ZFHX3: variants seen among roughly 807,000 people sequenced by gnomAD.
ZFHX3 encodes zinc finger homeobox protein 3.
A neutral mutation model predicts 279.1 loss-of-function variants in ZFHX3; 42 were observed. The ratio of observed to expected loss-of-function variants is 0.15; its 90% confidence interval spans 0.12 to 0.19. The LOEUF (loss-of-function observed/expected upper bound fraction) is 0.19, where lower values mean the gene tolerates loss of function less well. Ranked by LOEUF, ZFHX3 falls within the 10% of genes least tolerant of loss-of-function variation. The probability of loss-of-function intolerance (pLI) is 1.00; values close to 1 mark genes in which losing one functional copy is unlikely to be tolerated. For missense variants in ZFHX3, 4,981 were observed against 4,754.0 expected (o/e 1.05, Z -1.40); for synonymous variants, 2,293 against 1,957.8 (o/e 1.17, Z -4.52).
At chr16:73,218,197 G>T (rs2012281686) in intron 5 of ZFHX3, among the ~76,000 whole-genome samples, 1 of 152,094 alleles carries the variant, frequency 6.6e-6, no homozygotes. Flanking sequence ...CAGCACATCA[G>T]AAAAATTGTG....
intron 5 of ZFHX3, among the ~76,000 whole-genome samples, chr16:73,189,705 T>C (rs1289307585): frequency 1.3e-5 from 2 of 152,176 alleles, no homozygotes; most frequent in African/African-American, 2.4e-5. Flanking sequence ...AGGGAGCAAA[T>C]GGGGAAGGAG....
chr16:73,587,462 T>C (rs1224979459), intron 2 of ZFHX3, among the ~76,000 whole-genome samples: 2 of 152,218 alleles, frequency 1.3e-5, no homozygotes, highest in Non-Finnish European at 2.9e-5. Flanking sequence ...AAAATGCTTT[T>C]AGTTGACTGC....
chr16:73,622,021 A>T (rs867600067), intron 2 of ZFHX3, among the ~76,000 whole-genome samples: 2 of 152,084 alleles, frequency 1.3e-5, no homozygotes, highest in Non-Finnish European at 2.9e-5. Flanking sequence ...ATTATTTTTC[A>T]TTTTCCCCTT....
intron 2 of ZFHX3, among the ~76,000 whole-genome samples, chr16:73,644,574 T>C (rs1276912437): frequency 1.3e-5 from 2 of 151,936 alleles, no homozygotes; most frequent in Admixed American, 6.6e-5. Context: ...GGTAGGAAAA[T>C]TGCTTGAACC....
chr16:73,068,869 T>G (rs1239322571), intron 8 of ZFHX3, among the ~76,000 whole-genome samples: 2 of 152,142 alleles, frequency 1.3e-5, no homozygotes, highest in Non-Finnish European at 2.9e-5. Context: ...GCTCCACAGC[T>G]CCCTTGAAAC....
intron 3 of ZFHX3, among the ~76,000 whole-genome samples, chr16:73,439,038 T>A (rs2018042175): frequency 6.6e-6 from 1 of 152,208 alleles, no homozygotes; most frequent in Non-Finnish European, 1.5e-5. Flanking sequence ...CACATCTGTC[T>A]CAGACCATCA....
intron 4 of ZFHX3, among the ~76,000 whole-genome samples, chr16:72,883,564 C>T (rs894368281): frequency 1.3e-5 from 2 of 152,170 alleles, no homozygotes; most frequent in African/African-American, 4.8e-5. Context: ...AAAAAGGAAT[C>T]AACCTATGTT....
At chr16:72,890,752 C>T (rs985639112) in intron 3 of ZFHX3, among the ~76,000 whole-genome samples, 16 of 152,334 alleles carry the variant, frequency 1.1e-4, no homozygotes, top group Admixed American at 5.9e-4. Flanking sequence ...CTATGGCCCA[C>T]GGGCCAAATT....
At chr16:73,238,416 C>T (rs1469569027) in intron 5 of ZFHX3, among the ~76,000 whole-genome samples, 1 of 152,258 alleles carries the variant, frequency 6.6e-6, no homozygotes, top group East Asian at 1.9e-4. Context: ...CATCCCCAAA[C>T]CTGCCTCCCT....
At chr16:73,556,865 A>G (rs764195923) in intron 2 of ZFHX3, among the ~76,000 whole-genome samples, 12 of 151,680 alleles carry the variant, frequency 7.9e-5, no homozygotes, top group Non-Finnish European at 1.6e-4. Context: ...GGAGGCCGAG[A>G]CAGGCAGATC....
At chr16:73,002,031 T>C (rs1197016094) in intron 1 of ZFHX3, among the ~76,000 whole-genome samples, 1 of 151,984 alleles carries the variant, frequency 6.6e-6, no homozygotes, top group Non-Finnish European at 1.5e-5. Context: ...CACCTAACAG[T>C]CATGCCCCCA....
At chr16:73,728,248 G>A (rs1343310483) in intron 1 of ZFHX3, among the ~76,000 whole-genome samples, 1 of 152,150 alleles carries the variant, frequency 6.6e-6, no homozygotes, top group African/African-American at 2.4e-5. Flanking sequence ...AAGACCACAT[G>A]AGCCAGAGAG....
intron 1 of ZFHX3, among the ~76,000 whole-genome samples, chr16:73,008,480 A>G (rs1417558716): frequency 6.6e-6 from 1 of 152,228 alleles, no homozygotes; most frequent in Non-Finnish European, 1.5e-5. Context: ...GTTAAAAGTG[A>G]AAAATGACTC....
At chr16:73,317,807 G>A (rs1219031654) in intron 4 of ZFHX3, among the ~76,000 whole-genome samples, 2 of 152,174 alleles carry the variant, frequency 1.3e-5, no homozygotes, top group East Asian at 3.9e-4. Context: ...AATAAAGCCA[G>A]GTTCACGCAT....
At chr16:72,983,131 A>G (rs1013577653) in intron 1 of ZFHX3, among the ~76,000 whole-genome samples, 1 of 152,094 alleles carries the variant, frequency 6.6e-6, no homozygotes, top group African/African-American at 2.4e-5. Context: ...TTCTGCCATC[A>G]CGGTGGAGCC....
At chr16:73,509,033 A>T (rs1476434519) in intron 2 of ZFHX3, among the ~76,000 whole-genome samples, 3 of 152,236 alleles carry the variant, frequency 2.0e-5, no homozygotes, top group Non-Finnish European at 2.9e-5. Flanking sequence ...ATGCAGTGTC[A>T]TAGAGAAATG....
chr16:73,797,288 G>A (rs1435841487), intron 1 of ZFHX3, among the ~76,000 whole-genome samples: 4 of 152,180 alleles, frequency 2.6e-5, no homozygotes, highest in Non-Finnish European at 5.9e-5. Context: ...CATCCAAGAT[G>A]AAGCAGCCAG....
At chr16:73,186,259 T>G (rs1243117568) in intron 5 of ZFHX3, among the ~76,000 whole-genome samples, 1 of 152,146 alleles carries the variant, frequency 6.6e-6, no homozygotes, top group Non-Finnish European at 1.5e-5. Context: ...TCACCATCTG[T>G]GGAAAAACTG....
At chr16:73,828,147 A>G (rs1158644414) in intron 1 of ZFHX3, among the ~76,000 whole-genome samples, 1 of 76,182 alleles carries the variant, frequency 1.3e-5, no homozygotes, top group Non-Finnish European at 2.5e-5. Flanking sequence ...CGATCCCTTT[A>G]CCATTATGTA....
Sources: gnomAD v4.1 joint callset for allele counts (sites outside exome capture counted in the v4.1 genomes callset) on GRCh38, gnomAD v4.1.1 for gene constraint, MANE v1.5 for transcripts, NCBI Gene and HGNC (gene_info 2026-07-23, HGNC 2026-07-21) for gene names.